The following SLCO6A1 variants were observed in gnomAD, a reference collection of about 807,000 sequenced individuals.
SLCO6A1 encodes cancer/testis antigen 48.
In SLCO6A1, 65 loss-of-function variants were observed where a neutral mutation model predicts 72.7. The observed-to-expected ratio is 0.89, with a 90% confidence interval of 0.73 to 1.10. The LOEUF is 1.10. SLCO6A1 is among the 50% of genes least tolerant of loss of function. The pLI, the probability that SLCO6A1 is intolerant of heterozygous loss-of-function variation, is 0.00. For synonymous variants in SLCO6A1, 314 were observed against 298.2 expected, an observed-to-expected ratio of 1.05 and a Z score of -0.55; for missense variants, 874 against 872.6, an observed-to-expected ratio of 1.00 and a Z score of -0.02.
chr5:102,459,331 G>C (rs1005689526), intron 5 of SLCO6A1, among the ~76,000 whole-genome samples: 1 of 152,088 alleles, frequency 6.6e-6, no homozygotes, highest in African/African-American at 2.4e-5. Flanking sequence ...GAGGCAGGAG[G>C]ATGACTTGAG....
At chr5:102,374,536 C>T (rs1405011673) in intron 12 of SLCO6A1, among the ~76,000 whole-genome samples, 1 of 152,090 alleles carries the variant, frequency 6.6e-6, no homozygotes, top group Non-Finnish European at 1.5e-5. Flanking sequence ...GTGATCATCT[C>T]GCCTTGGCCT....
chr5:102,412,592 C>T (rs1038348969), intron 9 of SLCO6A1, among the ~76,000 whole-genome samples: 3 of 152,102 alleles, frequency 2.0e-5, no homozygotes, highest in African/African-American at 7.2e-5. Flanking sequence ...AAAAACCCAT[C>T]TCTAAAAAAA....
intron 1 of SLCO6A1, among the ~76,000 whole-genome samples, chr5:102,496,442 C>T (rs1202995862): frequency 6.6e-6 from 1 of 152,066 alleles, no homozygotes; most frequent in African/African-American, 2.4e-5. Flanking sequence ...AGCTAACTAC[C>T]TGTATGAAGT....
chr5:102,415,168 T>A (rs1296855670), intron 8 of SLCO6A1, among the ~76,000 whole-genome samples: 1 of 152,066 alleles, frequency 6.6e-6, no homozygotes, highest in Non-Finnish European at 1.5e-5. Flanking sequence ...AAAATCCCCA[T>A]CAAAATATCA....
At chr5:102,482,190 G>C (rs1351448011) in intron 1 of SLCO6A1, among the ~76,000 whole-genome samples, 1 of 151,990 alleles carries the variant, frequency 6.6e-6, no homozygotes, top group Non-Finnish European at 1.5e-5. Flanking sequence ...TAATTTATAT[G>C]GTTCTCTACC....
intron 9 of SLCO6A1, among the ~76,000 whole-genome samples, chr5:102,409,550 T>G (rs2112577637): frequency 6.6e-6 from 1 of 152,262 alleles, no homozygotes; most frequent in African/African-American, 2.4e-5. Flanking sequence ...ATTAATCGTT[T>G]CCATCCATAT....
intron 12 of SLCO6A1, among the ~76,000 whole-genome samples, chr5:102,388,167 T>G (rs1297331781): frequency 6.6e-6 from 1 of 152,082 alleles, no homozygotes; most frequent in Non-Finnish European, 1.5e-5. Context: ...GTCAAGAAAT[T>G]TTTTTGTATA....
chr5:102,498,541 A>AAC lies in SLCO6A1; in HGVS notation c.302_303dup (p.Cys102ValfsTer9). On this transcript the variant is annotated frameshift_variant, in exon 1 of 14. Coordinates refer to ENST00000506729, the MANE Select transcript of SLCO6A1 (RefSeq NM_173488.5). LOFTEE classifies it high-confidence loss of function. The stretch of plus-strand genomic sequence containing the variant: ...ATCATGAAGCAGCGAATGTTATTGC[A>AAC]ACACTCACAGCAGGTGCTGACTAAG... The AAC allele has an allele frequency of 6.2e-7, 1 of 1,614,198 alleles. No individual in the cohort carries two copies. Among genetic ancestry groups the AAC allele is most frequent in the Non-Finnish European group, 8.5e-7 (1 of 1,180,016 alleles).
chr5:102,473,053 A>C (rs935400304), intron 4 of SLCO6A1, among the ~76,000 whole-genome samples: 3 of 152,036 alleles, frequency 2.0e-5, no homozygotes, highest in African/African-American at 4.8e-5. Context: ...CAAATATTTC[A>C]ATAAGAATTA....
intron 9 of SLCO6A1, among the ~76,000 whole-genome samples, chr5:102,409,783 A>T (rs1407523017): frequency 1.3e-5 from 2 of 152,212 alleles, no homozygotes; most frequent in Non-Finnish European, 2.9e-5. Context: ...TATAAAGAAA[A>T]CTATGAAGAG....
rs200960054 is a variant in SLCO6A1 at position 102,373,427 on chromosome 5, T to C, written c.2085A>G (p.Leu695=). 39 of 1,580,478 alleles carry C rather than the reference T, an allele frequency of 2.5e-5. No individual in the cohort carries two copies. Among genetic ancestry groups the C allele is most frequent in the Non-Finnish European group, 6.9e-6 (8 of 1,166,312 alleles). The change falls in exon 13 of 14, where the codon CTA becomes CTG. Residue 695 remains leucine, a synonymous_variant. Transcript: ENST00000506729. ...TIAFFIYKRR[L]NENTDFPDVT... ...CATCTGGGAAGTCAGTGTTCTCATT[T>C]AGACGACGTTTGTATATGAAAAATG...
chr5:102,422,893 C>A (rs1748684749), intron 7 of SLCO6A1, among the ~76,000 whole-genome samples: 1 of 152,178 alleles, frequency 6.6e-6, no homozygotes, highest in Non-Finnish European at 1.5e-5. Flanking sequence ...AGGTTACCTA[C>A]TAAGGGAAGC....
At chr5:102,457,351 C>T (rs998327565) in intron 6 of SLCO6A1, among the ~76,000 whole-genome samples, 1 of 151,212 alleles carries the variant, frequency 6.6e-6, no homozygotes, top group African/African-American at 2.4e-5. Context: ...GCAATCTACT[C>T]ATCTGACAAA....
At chr5:102,430,039 C>T (rs1366193084) in intron 7 of SLCO6A1, among the ~76,000 whole-genome samples, 1 of 151,896 alleles carries the variant, frequency 6.6e-6, no homozygotes. Flanking sequence ...AGCTGCATTC[C>T]TAGGTATTTA....
At chr5:102,480,514 AT>A in intron 1 of SLCO6A1, 80 bp from the exon 2 acceptor site, 2 of 1,301,320 alleles carry the variant, frequency 1.5e-6, no homozygotes, top group Non-Finnish European at 2.1e-6. Context: ...CAAAATTTAA[AT>A]TACATGATGT....
intron 10 of SLCO6A1, among the ~76,000 whole-genome samples, chr5:102,396,568 T>C (rs1398346998): frequency 6.6e-6 from 1 of 152,200 alleles, no homozygotes; most frequent in African/African-American, 2.4e-5. Context: ...ATTGATATAC[T>C]TGTGGTGTTG....
At chr5:102,403,883 C>A (rs1468425662) in intron 9 of SLCO6A1, among the ~76,000 whole-genome samples, 1 of 152,010 alleles carries the variant, frequency 6.6e-6, no homozygotes, top group Non-Finnish European at 1.5e-5. Context: ...AGCTTTTTAA[C>A]TGAATTTTAT....
Position 102,482,217 on chromosome 5 carries a change from T to C in SLCO6A1, c.359-1783A>G, listed in dbSNP as rs191194717. 1.1e-4 allele frequency among the ~76,000 whole-genome samples: 17 copies of C among 151,662 alleles called. No individual in the cohort carries two copies. In the East Asian group the frequency reaches 3.3e-3, roughly 29 times the overall value. On this transcript the variant is annotated intron_variant, in intron 1 of 13. Transcript: ENST00000506729. ...TTCTCTACCTTCCATAAAGTATTAATAGAAAAATAAAATAGGAAAGGAGAG... is the reference window on the plus strand; with the variant it reads ...TTCTCTACCTTCCATAAAGTATTAACAGAAAAATAAAATAGGAAAGGAGAG...
intron 1 of SLCO6A1, among the ~76,000 whole-genome samples, chr5:102,490,472 G>A (rs1580525422): frequency 6.6e-6 from 1 of 152,182 alleles, no homozygotes; most frequent in African/African-American, 2.4e-5. Flanking sequence ...CTTGAGACTG[G>A]ATAATTCATA....
Sources: allele counts gnomAD v4.1 joint callset (sites outside exome capture counted in the v4.1 genomes callset), GRCh38; gene constraint gnomAD v4.1.1; transcripts MANE v1.5; gene names NCBI Gene and HGNC (gene_info 2026-07-23, HGNC 2026-07-21).